Variants in CXXC5 observed in about 807,000 individuals in gnomAD.
CXXC5 encodes the protein CXXC finger protein 5.
A neutral mutation model predicts 17.6 loss-of-function variants in CXXC5; 2 were observed. The ratio of observed to expected loss-of-function variants is 0.11; its 90% CI spans 0.05 to 0.36. The LOEUF (loss-of-function observed/expected upper bound fraction) is 0.36. CXXC5 is among the 10% of genes least tolerant of loss of function. The pLI is 1.00. For synonymous variants in CXXC5, 171 were observed against 193.0 expected (o/e 0.89, Z 0.94); for missense variants, 343 against 458.3 (o/e 0.75, Z 2.30).
At chr5:139,664,128 T>G (rs1221889392) in intron 1 of CXXC5, among the ~76,000 whole-genome samples, 1 of 152,182 alleles carries the variant, frequency 6.6e-6, no homozygotes, top group Non-Finnish European at 1.5e-5. Flanking sequence ...CAAGGCACTT[T>G]CCAGGTTTGA....
intron 1 of CXXC5, among the ~76,000 whole-genome samples, chr5:139,671,109 T>C (rs1036454623): frequency 6.6e-6 from 1 of 152,084 alleles, no homozygotes; most frequent in African/African-American, 2.4e-5. Context: ...GAGTGGGAAA[T>C]GGTTTGACAA....
chr5:139,681,483 G>A (rs772950466), intron 2 of CXXC5, 36 bp downstream of exon 2: 11 of 1,528,406 alleles, frequency 7.2e-6, no homozygotes, highest in Middle Eastern at 1.8e-4. Context: ...GTGGGCTCTT[G>A]TGTCTGTCTG....
chr5:139,677,567 C>T (rs1472276214), intron 1 of CXXC5, among the ~76,000 whole-genome samples: 1 of 152,206 alleles, frequency 6.6e-6, no homozygotes, highest in Non-Finnish European at 1.5e-5. Flanking sequence ...AGAGTTGTCC[C>T]TGTGAGCCAG....
chr5:139,658,785 G>A lies in CXXC5; in HGVS notation c.-161+9940G>A, dbSNP rs1301906881. Among the ~76,000 whole-genome samples, 1 of 152,260 alleles carries A rather than the reference G, an allele frequency of 6.6e-6. No individual in the cohort carries two copies. The highest frequency in any genetic ancestry group is 1.5e-5 in the Non-Finnish European group (1 of 68,042). ...AGCAGCCCCATCTGTGCAATGGGGA[G>A]AGGAGGCTTTTTTCAAGGTCTAACA... On this transcript the variant is annotated intron_variant, in intron 1 of 2. Transcript: ENST00000302517. The surrounding 1 kb of genome is among the most constrained non-coding windows in gnomAD (Gnocchi z 4.1).
intron 1 of CXXC5, chr5:139,665,898 A>AG (rs1283760433): frequency 6.6e-6 from 1 of 152,264 alleles, no homozygotes; most frequent in Non-Finnish European, 1.5e-5. Context: ...TGAGGATAAG[A>AG]ACCCGGCCAC....
intron 1 of CXXC5, among the ~76,000 whole-genome samples, chr5:139,666,403 G>C (rs945550052): frequency 1.3e-5 from 2 of 152,170 alleles, no homozygotes; most frequent in African/African-American, 4.8e-5. Context: ...AGGGGTCTCA[G>C]GGTACACAGA....
chr5:139,659,950 G>T (rs567194165), intron 1 of CXXC5, among the ~76,000 whole-genome samples: 1 of 152,334 alleles, frequency 6.6e-6, no homozygotes, highest in African/African-American at 2.4e-5. Flanking sequence ...GCGGGTGCCC[G>T]CGCAGCCAAG....
Position 139,680,696 on chromosome 5 carries a change from G to A in CXXC5, c.173G>A (p.Arg58His), listed in dbSNP as rs775320507. Residue 58 changes from arginine to histidine, a missense_variant, in exon 2 of 3, where the codon CGT becomes CAT. Physicochemically the swap from Arg to His is conservative, Grantham distance 29. This residue lies in a region of CXXC5 where 297 missense variants were observed against 363.4 expected (regional missense o/e 0.82). Coordinates refer to ENST00000302517, the MANE Select transcript of CXXC5 (RefSeq NM_016463.9). Reference sequence around the variant, plus strand: ...GCAGATGACACACCACCCCCCGAGCGTCGGAACAAGAGCGGTATCATCAGT... The same window carrying A: ...GCAGATGACACACCACCCCCCGAGCATCGGAACAAGAGCGGTATCATCAGT... ...SVADDTPPPE[R>H]RNKSGIISEP... The A allele has an allele frequency of 1.4e-5, 23 of 1,613,302 alleles. No individual in the cohort carries two copies. The highest frequency in any genetic ancestry group is 3.3e-5 in the South Asian group (3 of 91,092).
chr5:139,673,320 G>T (rs116066457), intron 1 of CXXC5, among the ~76,000 whole-genome samples: 1 of 152,028 alleles, frequency 6.6e-6, no homozygotes, highest in East Asian at 1.9e-4. Flanking sequence ...TTTTCCCAAG[G>T]TCAAAAAATG....
chr5:139,681,139 T>G lies in CXXC5; in HGVS notation c.616T>G (p.Ser206Ala). The change falls in exon 2 of 3, where the codon TCC (serine) becomes GCC (alanine). Residue 206 changes from serine to alanine, a missense_variant. Physicochemically the swap from Ser to Ala is moderately conservative, Grantham distance 99. This residue lies in a region of CXXC5 where 297 missense variants were observed against 363.4 expected (regional missense o/e 0.82). Coordinates refer to ENST00000302517, the MANE Select transcript of CXXC5 (RefSeq NM_016463.9). ...VAGAEALNGQ[S>A]DFPYLGAFPI... ...AGGTGCCGAAGCCCTCAATGGCCAG[T>G]CCGACTTCCCCTACCTGGGCGCTTT... 2 of 1,612,830 alleles carry G rather than the reference T, an allele frequency of 1.2e-6. No homozygotes were observed. The highest frequency in any genetic ancestry group is 1.7e-6 in the Non-Finnish European group (2 of 1,179,962).
Position 139,681,435 on chromosome 5 carries a change from C to T in CXXC5, c.912C>T (p.Ser304=), listed in dbSNP as rs368065833. Reference sequence around the variant, plus strand: ...GTGAGGAACTCAAAAAGAAGCCTTCCGCTGCTCTGGAGGTAACGGCGCCTT... The same window carrying T: ...GTGAGGAACTCAAAAAGAAGCCTTCTGCTGCTCTGGAGGTAACGGCGCCTT... ...RKCEELKKKP[S]AALEKVMLPT... is the part of the protein sequence containing the mutation. Residue 304 remains serine (S), a synonymous_variant, in exon 2 of 3, where the codon TCC becomes TCT. Transcript: ENST00000302517. 104 of 1,577,010 alleles carry T rather than the reference C, an allele frequency of 6.6e-5. No individual in the cohort carries two copies. Among genetic ancestry groups the T allele is most frequent in the South Asian group, 2.0e-4 (17 of 86,174 alleles).
chr5:139,657,714 G>A (rs1755563917), intron 1 of CXXC5, among the ~76,000 whole-genome samples: 1 of 152,192 alleles, frequency 6.6e-6, no homozygotes, highest in African/African-American at 2.4e-5. Context: ...GATGGGCTTG[G>A]GAGCCTTTGT....
At chr5:139,657,097 C>T (rs758516656) in intron 1 of CXXC5, among the ~76,000 whole-genome samples, 6 of 152,240 alleles carry the variant, frequency 3.9e-5, no homozygotes, top group Non-Finnish European at 7.3e-5. Flanking sequence ...CTCTCTGTGG[C>T]AGGCACCATG....
chr5:139,652,147 GGCGCGCGCGCGCGCGCGC>G (rs34430057), intron 1 of CXXC5, among the ~76,000 whole-genome samples: 1 of 136,550 alleles, frequency 7.3e-6, no homozygotes, highest in Admixed American at 7.1e-5. Context: ...CCTAGCCGCC[GGCGCGCGCGCGCGCGCGC>G]GCGCGCGTGT....
chr5:139,654,439 C>T (rs1755381806), intron 1 of CXXC5, among the ~76,000 whole-genome samples: 1 of 152,220 alleles, frequency 6.6e-6, no homozygotes, highest in African/African-American at 2.4e-5. Context: ...GCCTGCCTCA[C>T]AAGGTCATTT....
rs537271833 is a variant in CXXC5, at chr5:139,672,415, A to G, written c.-160-7949A>G. Among the ~76,000 whole-genome samples the G allele has an allele frequency of 7.9e-5, 12 of 152,336 alleles. No homozygotes were observed. In the South Asian group the frequency reaches 8.3e-4, roughly 11 times the overall value. ...TTACAGGCGTGAGCCTGTACAGGCC[A>G]GGGCCTGCTGTTTATTTTAATGTCC... On this transcript the variant is annotated intron_variant, in intron 1 of 2. Transcript: ENST00000302517.
intron 1 of CXXC5, among the ~76,000 whole-genome samples, chr5:139,656,084 A>G (rs1755483308): frequency 6.6e-6 from 1 of 152,184 alleles, no homozygotes; most frequent in African/African-American, 2.4e-5. Context: ...TGACCTCCTC[A>G]GACGTGCCCA....
At chr5:139,675,622 A>C (rs1188140794) in intron 1 of CXXC5, 2 of 152,232 alleles carry the variant, frequency 1.3e-5, no homozygotes, top group Non-Finnish European at 2.9e-5. Context: ...AAAAGTGGCC[A>C]CAGAACAGGG....
chr5:139,677,086 T>TGGCGGGGC (rs571557814), intron 1 of CXXC5, among the ~76,000 whole-genome samples: 2 of 151,990 alleles, frequency 1.3e-5, no homozygotes, highest in African/African-American at 2.4e-5. Flanking sequence ...TGACCGCGGC[T>TGGCGGGGC]GGCGGGGCGG....
Sources: gnomAD v4.1 joint callset for allele counts (sites outside exome capture counted in the v4.1 genomes callset) on GRCh38, gnomAD v4.1.1 for gene constraint, gnomAD v4.1.1 regional missense constraint, Gnocchi (gnomAD v3.1) non-coding constraint, MANE v1.5 for transcripts, NCBI Gene and HGNC (gene_info 2026-07-23, HGNC 2026-07-21) for gene names.